LCOR: variants seen among roughly 807,000 people sequenced by gnomAD.
The protein encoded by LCOR is ligand-dependent corepressor.
A neutral mutation model predicts 64.4 loss-of-function variants in LCOR; 14 were observed. That is an observed-to-expected ratio of 0.22 (90% CI 0.14 to 0.34). The LOEUF is 0.34. Among genes scored for constraint, LCOR ranks in the 10% least tolerant of loss-of-function variants. The pLI, the probability that LCOR is intolerant of heterozygous loss-of-function variation, is 1.00. For synonymous variants in LCOR, 643 were observed against 642.5 expected (o/e 1.00, Z -0.01); for missense variants, 1,686 against 1,765.3 (o/e 0.96, Z 0.80).
intron 4 of LCOR, chr10:96,908,074 A>G (rs1183648822): frequency 6.6e-6 from 1 of 152,000 alleles, no homozygotes; most frequent in Non-Finnish European, 1.5e-5. Context: ...TGCTCACTGC[A>G]GCCGCCGCCT....
At position 96,950,881 on chromosome 10, in the gene LCOR, A is replaced by T. The variant is rs1377050401; in HGVS notation, c.239-1222A>T. On this transcript the variant is annotated intron_variant, in intron 6 of 7. Coordinates refer to ENST00000421806, the MANE Select transcript of LCOR (RefSeq NM_001346516.2). ...AAGCAGTAGTACATTTGCTTCTTAG[A>T]TGTATAATTGGGTTAGATGTCTAAT... is the stretch of plus-strand genomic sequence containing the variant. Among the ~76,000 whole-genome samples, 5 of 152,050 alleles carry T rather than the reference A, an allele frequency of 3.3e-5. No individual in the cohort carries two copies. In the East Asian group the frequency reaches 9.6e-4, roughly 29 times the overall value.
chr10:96,869,401 G>A (rs1031225540), intron 2 of LCOR, among the ~76,000 whole-genome samples: 1 of 151,846 alleles, frequency 6.6e-6, no homozygotes, highest in Non-Finnish European at 1.5e-5. Flanking sequence ...TTTTAGTAGA[G>A]ATGGGGTTTC....
At chr10:96,854,144 A>G (rs1264293344) in intron 2 of LCOR, among the ~76,000 whole-genome samples, 1 of 152,166 alleles carries the variant, frequency 6.6e-6, no homozygotes, top group African/African-American at 2.4e-5. Context: ...CTGCTTGTAT[A>G]ATATCTAATA....
At chr10:96,922,999 A>T (rs896995388) in intron 4 of LCOR, among the ~76,000 whole-genome samples, 6 of 152,254 alleles carry the variant, frequency 3.9e-5, no homozygotes, top group African/African-American at 1.4e-4. Context: ...CAAAGATTAT[A>T]TTAAGCACAA....
intron 2 of LCOR, among the ~76,000 whole-genome samples, chr10:96,846,452 A>G (rs544154820): frequency 6.6e-4 from 100 of 151,768 alleles, no homozygotes; most frequent in African/African-American, 2.2e-3. Flanking sequence ...GGGTGTCCCT[A>G]TGTTGCCCAG....
intron 4 of LCOR, chr10:96,915,831 A>T (rs1846932191): frequency 3.7e-6 from 2 of 540,326 alleles, no homozygotes; most frequent in Non-Finnish European, 3.5e-6. Context: ...AACCTTGCAG[A>T]TCTTCTCTGT....
At chr10:96,954,839 T>TA in intron 7 of LCOR, 1 of 646,538 alleles carries the variant, frequency 1.5e-6, no homozygotes, top group Non-Finnish European at 2.5e-6. Context: ...AATAAATAAA[T>TA]AACACAAAGT....
intron 7 of LCOR, chr10:96,957,880 T>C (rs2134538580): frequency 1.0e-6 from 1 of 986,232 alleles, no homozygotes; most frequent in Non-Finnish European, 1.2e-6. Flanking sequence ...TCCTCTTAGC[T>C]TTCTAGACTT....
intron 2 of LCOR, among the ~76,000 whole-genome samples, chr10:96,887,268 G>A (rs1362617530): frequency 6.6e-6 from 1 of 152,094 alleles, no homozygotes; most frequent in Non-Finnish European, 1.5e-5. Flanking sequence ...CAATGAAACA[G>A]TGAAAATATA....
At chr10:96,915,743 T>G (rs1846930452) in intron 4 of LCOR, 3 of 647,784 alleles carry the variant, frequency 4.6e-6, no homozygotes, top group African/African-American at 1.8e-5. Flanking sequence ...CTTTTTCCCT[T>G]TGGGTACCTT....
rs556080343 is a variant in LCOR, at chr10:96,840,304, C to G, written c.-330+6825C>G. Among the ~76,000 whole-genome samples, 6 of 152,204 alleles carry G rather than the reference C, an allele frequency of 3.9e-5. No individual in the cohort carries two copies. The South Asian group carries it at 1.2e-3, about 32-fold the overall frequency. On this transcript the variant is annotated intron_variant, in intron 2 of 7. Transcript: ENST00000421806. Reference sequence around the variant, plus strand: ...TTTTTGATAAAGAGAGTTGTAGATTCTTTTAGCATATCACTTAATCATTTT... The same window carrying G: ...TTTTTGATAAAGAGAGTTGTAGATTGTTTTAGCATATCACTTAATCATTTT...
chr10:96,892,804 A>G (rs1345392758), intron 2 of LCOR, among the ~76,000 whole-genome samples: 3 of 151,648 alleles, frequency 2.0e-5, no homozygotes, highest in Admixed American at 6.6e-5. Flanking sequence ...TTCACCTTCA[A>G]CCTCTTTGTG....
intron 2 of LCOR, among the ~76,000 whole-genome samples, chr10:96,879,636 A>G (rs1165297967): frequency 6.6e-6 from 1 of 152,182 alleles, no homozygotes; most frequent in Non-Finnish European, 1.5e-5. Flanking sequence ...GAGACTATAT[A>G]TTAATACTGC....
chr10:96,870,564 CTT>C (rs764240839), intron 2 of LCOR, among the ~76,000 whole-genome samples: 17 of 152,206 alleles, frequency 1.1e-4, no homozygotes, highest in Non-Finnish European at 2.1e-4. Context: ...AATTTCAAGT[CTT>C]TTTAAAGTTT....
intron 2 of LCOR, among the ~76,000 whole-genome samples, chr10:96,851,336 TAAATA>T (rs536727882): frequency 4.3e-4 from 65 of 152,030 alleles, no homozygotes; most frequent in Non-Finnish European, 8.1e-4. Flanking sequence ...GAATGAAGAG[TAAATA>T]AAATAAGATT....
intron 4 of LCOR, among the ~76,000 whole-genome samples, chr10:96,909,378 G>T (rs914586758): frequency 1.3e-5 from 2 of 152,168 alleles, no homozygotes; most frequent in African/African-American, 4.8e-5. Flanking sequence ...AAATTCCTTT[G>T]TTTTTACTCT....
chr10:96,837,887 T>A (rs1845474435), intron 2 of LCOR, among the ~76,000 whole-genome samples: 1 of 152,242 alleles, frequency 6.6e-6, no homozygotes, highest in African/African-American at 2.4e-5. Context: ...TTAATTCATA[T>A]TTCCCGTAAG....
intron 2 of LCOR, among the ~76,000 whole-genome samples, chr10:96,897,477 A>T (rs928774028): frequency 1.1e-4 from 17 of 152,228 alleles, no homozygotes; most frequent in African/African-American, 3.9e-4. Flanking sequence ...TTGATATACT[A>T]GAAAAAATGA....
intron 2 of LCOR, among the ~76,000 whole-genome samples, chr10:96,855,619 A>G (rs1401332643): frequency 6.6e-6 from 1 of 151,048 alleles, no homozygotes; most frequent in African/African-American, 2.4e-5. Flanking sequence ...TATTTTTAGT[A>G]GAGACGGGGT....
Sources: gnomAD v4.1 joint callset for allele counts (sites outside exome capture counted in the v4.1 genomes callset) on GRCh38, gnomAD v4.1.1 for gene constraint, MANE v1.5 for transcripts, NCBI Gene and HGNC (gene_info 2026-07-23, HGNC 2026-07-21) for gene names.